Variants in PLCE1 observed in about 807,000 individuals in gnomAD.
PLCE1 encodes the protein 1-phosphatidylinositol 4,5-bisphosphate phosphodiesterase epsilon-1.
A neutral mutation model predicts 242.8 loss-of-function variants in PLCE1; 119 were observed. That is an observed-to-expected ratio of 0.49 (90% confidence interval 0.42 to 0.57). The LOEUF is 0.57. Among genes scored for constraint, PLCE1 ranks in the 20% least tolerant of loss-of-function variants. The probability of loss-of-function intolerance (pLI) is 0.00; values close to 1 mark genes in which losing one functional copy is unlikely to be tolerated. For synonymous variants in PLCE1, 945 were observed against 1,017.4 expected (o/e 0.93, Z 1.35); for missense variants, 2,441 against 2,788.8 (o/e 0.88, Z 2.81).
chr10:94,291,346 A>T (rs2052639750), intron 22 of PLCE1, among the ~76,000 whole-genome samples: 1 of 152,162 alleles, frequency 6.6e-6, no homozygotes. Context: ...TCCATCTCGA[A>T]GCTTTAGTCA....
intron 1 of PLCE1, among the ~76,000 whole-genome samples, chr10:93,995,052 AC>A (rs1282507105): frequency 3.3e-5 from 5 of 151,798 alleles, no homozygotes; most frequent in Admixed American, 6.6e-5. Flanking sequence ...TGTTTCTTAT[AC>A]CCCCCGTAGA....
intron 22 of PLCE1, among the ~76,000 whole-genome samples, chr10:94,291,844 T>C (rs752735976): frequency 1.3e-5 from 2 of 152,162 alleles, no homozygotes; most frequent in African/African-American, 4.8e-5. Flanking sequence ...TTGTTGCTTC[T>C]TCATTATTTT....
intron 3 of PLCE1, among the ~76,000 whole-genome samples, chr10:94,159,706 G>A (rs188519150): frequency 9.1e-4 from 138 of 152,164 alleles, no homozygotes; most frequent in Non-Finnish European, 1.8e-3. Context: ...CCATGTTGGT[G>A]TGCTGCACCC....
intron 2 of PLCE1, among the ~76,000 whole-genome samples, chr10:94,103,649 T>TA (rs1027840767): frequency 2.5e-4 from 38 of 151,774 alleles, no homozygotes; most frequent in Non-Finnish European, 4.9e-4. Flanking sequence ...TAAAGTATAA[T>TA]AAAAAAAAGG....
chr10:94,035,732 G>C (rs144358441), intron 2 of PLCE1, among the ~76,000 whole-genome samples: 30 of 152,184 alleles, frequency 2.0e-4, no homozygotes, highest in Non-Finnish European at 3.7e-4. Flanking sequence ...TCTAAGGTAT[G>C]GTGTTCTGTA....
At position 94,031,597 on chromosome 10, in the gene PLCE1, G is replaced by C; in HGVS notation, c.551G>C (p.Arg184Thr). The C allele has an allele frequency of 3.7e-6, 6 of 1,612,896 alleles. No homozygotes were observed. Among genetic ancestry groups the C allele is most frequent in the South Asian group, 1.1e-5 (1 of 91,064 alleles). Residue 184 changes from arginine (R) to threonine (T), a missense_variant, in exon 2 of 33, where the codon AGG (arginine) becomes ACG (threonine). Arg to Thr is a moderately conservative substitution (Grantham distance 71). Around this residue, in one of 5 missense-constraint regions of PLCE1, gnomAD observed 393 missense variants for 378.5 expected, o/e 1.04. Coordinates refer to ENST00000371380, the MANE Select transcript of PLCE1 (RefSeq NM_016341.4). Reference sequence around the variant, plus strand: ...GGCAGAGCACACCCTGACAGCAGAAGGGCAGTATTTCATTTTCATTATGAA... The same window carrying C: ...GGCAGAGCACACCCTGACAGCAGAACGGCAGTATTTCATTTTCATTATGAA... ...ETGRAHPDSRRAVFHFHYEVD... is the reference protein window; with the variant it reads ...ETGRAHPDSRTAVFHFHYEVD...
At chr10:94,017,152 G>C (rs1424747865) in intron 1 of PLCE1, among the ~76,000 whole-genome samples, 5 of 152,102 alleles carry the variant, frequency 3.3e-5, no homozygotes, top group African/African-American at 1.2e-4. Context: ...GCTGGGAGGG[G>C]ACAGGTCAGA....
chr10:94,088,199 AC>A (rs2044911325), intron 2 of PLCE1: 1 of 152,228 alleles, frequency 6.6e-6, no homozygotes, highest in Non-Finnish European at 1.5e-5. Context: ...AATGGAATCC[AC>A]CCTATAGGGT....
At chr10:94,079,838 G>A (rs189625196) in intron 2 of PLCE1, among the ~76,000 whole-genome samples, 173 of 152,252 alleles carry the variant, frequency 1.1e-3, no homozygotes, top group African/African-American at 4.0e-3. Flanking sequence ...CCTAGCTCTC[G>A]AGGTTTCTCC....
chr10:94,315,378 A>G (rs1463444964), intron 28 of PLCE1: 1 of 455,846 alleles, frequency 2.2e-6, no homozygotes, highest in East Asian at 6.9e-5. Context: ...TCTCATCACC[A>G]AGCTACTTCT....
Position 94,273,548 on chromosome 10 carries a change from T to C in PLCE1, c.4507-14T>C. Reference sequence around the variant, plus strand: ...AAAAGGCATTGATTGTATGTTTTCCTTCATTCTTTTTAGACTGTGTTTGGA... The same window carrying C: ...AAAAGGCATTGATTGTATGTTTTCCCTCATTCTTTTTAGACTGTGTTTGGA... On this transcript the variant is annotated splice_polypyrimidine_tract_variant and intron_variant, in intron 18 of 32. Coordinates refer to ENST00000371380, the MANE Select transcript of PLCE1 (RefSeq NM_016341.4). 6.2e-7 allele frequency: 1 copy of C among 1,610,446 alleles called. No individual in the cohort carries two copies. Among genetic ancestry groups the C allele is most frequent in the Non-Finnish European group, 8.5e-7 (1 of 1,176,774 alleles).
chr10:94,281,649 T>A (rs1564857975), intron 20 of PLCE1, among the ~76,000 whole-genome samples: 4 of 152,246 alleles, frequency 2.6e-5, no homozygotes, highest in South Asian at 4.1e-4. Context: ...GCCTCAGATA[T>A]GTAATCAAAA....
At chr10:94,100,303 GT>G (rs2045480666) in intron 2 of PLCE1, 1 of 152,154 alleles carries the variant, frequency 6.6e-6, no homozygotes, top group African/African-American at 2.4e-5. Context: ...TGGGGTTGCA[GT>G]CTTCACCACC....
rs1200104829 is a variant in PLCE1, at chr10:94,141,641, G to A, written c.1492+9182G>A. On this transcript the variant is annotated intron_variant, in intron 3 of 32. Transcript: ENST00000371380. ...AAGGAAGGCAGAAGGAGGAAAGAAA[G>A]AAGGAAGGAAAGAAGAAAGGGAGGG... Among the ~76,000 whole-genome samples the A allele has an allele frequency of 3.1e-5, 2 of 63,572 alleles. 1 individual carries two copies. The highest frequency in any genetic ancestry group is 2.7e-4 in the Admixed American group (2 of 7,434). 41.7% of individuals were successfully genotyped at this position (63,572 alleles called of 152,430 possible). A position where few individuals can be genotyped will look rare whatever the true frequency, so the allele number is the denominator to read the frequency against.
Position 94,160,781 on chromosome 10 carries a change from G to A in PLCE1, c.1493-10399G>A, listed in dbSNP as rs187407613. Among the ~76,000 whole-genome samples, 553 of 152,216 alleles carry A rather than the reference G, an allele frequency of 3.6e-3. 5 individuals are homozygous for A. Among genetic ancestry groups the A allele is most frequent in the African/African-American group, 0.012 (515 of 41,530 alleles). ...TTTAATCCATCTTGAATTAATTTTC[G>A]TATAAGGTGTAAGGAAGGCATCCAG... is the stretch of plus-strand genomic sequence containing the variant. On this transcript the variant is annotated intron_variant, in intron 3 of 32. Transcript: ENST00000371380.
intron 5 of PLCE1, among the ~76,000 whole-genome samples, chr10:94,230,139 C>T (rs538064832): frequency 1.3e-5 from 2 of 152,208 alleles, no homozygotes; most frequent in South Asian, 2.1e-4. Context: ...CTTCCTCTAA[C>T]TAAATTCTTA....
At chr10:94,015,747 C>T (rs1228073290) in intron 1 of PLCE1, among the ~76,000 whole-genome samples, 3 of 152,122 alleles carry the variant, frequency 2.0e-5, no homozygotes, top group Non-Finnish European at 4.4e-5. Context: ...AGGGGGCTAG[C>T]GCACCCTAAC....
At chr10:93,996,735 C>T (rs1302296345) in intron 1 of PLCE1, among the ~76,000 whole-genome samples, 3 of 152,148 alleles carry the variant, frequency 2.0e-5, no homozygotes, top group Non-Finnish European at 1.5e-5. Context: ...ACCAAGCCCT[C>T]GGAGGCTACA....
intron 4 of PLCE1, chr10:94,225,117 A>G (rs2049893789): frequency 6.6e-6 from 1 of 152,204 alleles, no homozygotes; most frequent in African/African-American, 2.4e-5. Flanking sequence ...GAGGAAGATT[A>G]TTAATTACTC....
Sources: allele counts gnomAD v4.1 joint callset (sites outside exome capture counted in the v4.1 genomes callset), GRCh38; gene constraint gnomAD v4.1.1; regional missense constraint gnomAD v4.1.1; transcripts MANE v1.5; gene names NCBI Gene and HGNC (gene_info 2026-07-23, HGNC 2026-07-21).